GNB5: variants seen among roughly 807,000 people sequenced by gnomAD.
The protein encoded by GNB5 is guanine nucleotide-binding protein subunit beta-5.
A neutral mutation model predicts 55.3 loss-of-function variants in GNB5; 37 were observed. The observed-to-expected ratio is 0.67, with a 90% confidence interval of 0.51 to 0.88. The LOEUF is 0.88. Among genes scored for constraint, GNB5 ranks in the 40% least tolerant of loss-of-function variants. GNB5 has a pLI of 0.00. For synonymous variants in GNB5, 219 were observed against 198.5 expected, an observed-to-expected ratio of 1.10 and a Z score of -0.87; for missense variants, 476 against 515.3, an observed-to-expected ratio of 0.92 and a Z score of 0.74.
chr15:52,126,845 A>G (rs1382477900), intron 10 of GNB5, among the ~76,000 whole-genome samples: 2 of 152,152 alleles, frequency 1.3e-5, no homozygotes, highest in Non-Finnish European at 2.9e-5. Flanking sequence ...CCCAGGCTGG[A>G]GTGCAATGGC....
chr15:52,169,860 A>G (rs750215220), intron 3 of GNB5, among the ~76,000 whole-genome samples: 1 of 152,206 alleles, frequency 6.6e-6, no homozygotes, highest in South Asian at 2.1e-4. Flanking sequence ...AAGAACTTAA[A>G]CAAATTTACA....
chr15:52,130,979 C>A (rs2033559153), intron 9 of GNB5, among the ~76,000 whole-genome samples: 1 of 152,194 alleles, frequency 6.6e-6, no homozygotes, highest in Non-Finnish European at 1.5e-5. Context: ...TCATGTGCCA[C>A]CACATTTGGC....
At position 52,117,102 on chromosome 15, in the gene GNB5, A is replaced by ATATATATATATATTT; in HGVS notation, c.*5654_*5655insAAATATATATATATA. On this transcript the variant is annotated 3_prime_UTR_variant, in exon 13 of 13. Transcript: ENST00000261837. ...CCACGCCCAGCTAATATATATATAT[A>ATATATATATATATTT]TTTTTTTTTAGTACAGACAGGGTTT... The ATATATATATATATTT allele has an allele frequency of 9.2e-5, 8 of 87,102 alleles. 1 individual carries two copies. The highest frequency in any genetic ancestry group is 3.7e-4 in the Admixed American group (3 of 8,092). 5.4% of individuals were successfully genotyped at this position (87,102 alleles called of 1,614,324 possible).
chr15:52,147,580 A>G (rs1341930254), intron 5 of GNB5, 45 bp from the exon 6 acceptor site: 4 of 1,091,682 alleles, frequency 3.7e-6, no homozygotes, highest in East Asian at 2.7e-5. Flanking sequence ...CCACACAAAA[A>G]TCTTTTTTTT....
rs750584034 is a variant in GNB5, at chr15:52,179,898, C to G, written c.127-19G>C. The G allele has an allele frequency of 6.6e-7, 1 of 1,511,766 alleles. No individual in the cohort carries two copies. The highest frequency in any genetic ancestry group is 2.8e-5 in the East Asian group (1 of 35,396). 93.6% of individuals were successfully genotyped at this position (1,511,766 alleles called of 1,614,324 possible). On this transcript the variant is annotated intron_variant, in intron 2 of 12. Coordinates refer to ENST00000261837, the MANE Select transcript of GNB5 (RefSeq NM_016194.4). ...TTGCCATCTTCGCGCGGGGACGCAG[C>G]GGAGAGGGAAGCGGAGAGCGGGAAT...
chr15:52,124,531 A>G lies in GNB5; in HGVS notation c.1118T>C (p.Leu373Pro). 6.2e-7 allele frequency: 1 copy of G among 1,613,898 alleles called. No homozygotes were observed. Among genetic ancestry groups the G allele is most frequent in the Middle Eastern group, 1.7e-4 (1 of 6,060 alleles). Residue 373 changes from leucine (L) to proline (P), a missense_variant, in exon 12 of 13, where the codon CTA (leucine) becomes CCA (proline). Coordinates refer to ENST00000261837, the MANE Select transcript of GNB5 (RefSeq NM_016194.4). ...AGCAGTCCCATCGGGGGAAACTCGT[A>G]GAGTGCTAACGCGGTTTTCATGTCC... ...LFGHENRVST[L>P]RVSPDGTAFC...
chr15:52,156,977 C>T (rs951672864), intron 3 of GNB5, among the ~76,000 whole-genome samples: 3 of 150,686 alleles, frequency 2.0e-5, no homozygotes, highest in Non-Finnish European at 4.4e-5. Context: ...GCTCGGTCGC[C>T]CAGGCTGGAG....
intron 3 of GNB5, among the ~76,000 whole-genome samples, chr15:52,161,908 C>T (rs2034343947): frequency 6.6e-6 from 1 of 152,234 alleles, no homozygotes. Context: ...CCCCAACTGC[C>T]TCTGCTTTGG....
At chr15:52,166,612 A>C (rs1325161123) in intron 3 of GNB5, among the ~76,000 whole-genome samples, 1 of 152,226 alleles carries the variant, frequency 6.6e-6, no homozygotes, top group Non-Finnish European at 1.5e-5. Context: ...TTATGGTAGA[A>C]ATCAAGAAGT....
At chr15:52,136,601 G>A (rs1479995165) in intron 7 of GNB5, among the ~76,000 whole-genome samples, 1 of 152,194 alleles carries the variant, frequency 6.6e-6, no homozygotes, top group Non-Finnish European at 1.5e-5. Flanking sequence ...ATTCTCTGTT[G>A]CTGCTTTTCC....
intron 3 of GNB5, among the ~76,000 whole-genome samples, chr15:52,165,558 G>A (rs1312723463): frequency 6.6e-6 from 1 of 152,152 alleles, no homozygotes; most frequent in African/African-American, 2.4e-5. Flanking sequence ...CATTCTTAAG[G>A]AAAAGAATTT....
chr15:52,159,749 G>T (rs1328448670), intron 3 of GNB5, among the ~76,000 whole-genome samples: 2 of 152,120 alleles, frequency 1.3e-5, no homozygotes, highest in African/African-American at 4.8e-5. Context: ...AGTCTGGAGG[G>T]GGCAGACAGG....
At chr15:52,137,022 T>C (rs1027549617) in intron 7 of GNB5, 2 of 454,272 alleles carry the variant, frequency 4.4e-6, no homozygotes, top group African/African-American at 4.0e-5. Flanking sequence ...GACTGTTCGC[T>C]TGCTGGGCTC....
intron 3 of GNB5, among the ~76,000 whole-genome samples, chr15:52,160,495 G>A (rs2034309350): frequency 2.0e-5 from 3 of 152,224 alleles, no homozygotes; most frequent in Admixed American, 2.0e-4. Context: ...GAAAACTAGA[G>A]ATCATGTTTA....
intron 3 of GNB5, among the ~76,000 whole-genome samples, chr15:52,159,820 G>C (rs566665836): frequency 5.3e-5 from 8 of 152,314 alleles, no homozygotes; most frequent in South Asian, 2.1e-4. Context: ...CTGTCACCCA[G>C]GGTCAGGGAG....
At chr15:52,184,195 T>G (rs1026710290) in intron 2 of GNB5, among the ~76,000 whole-genome samples, 1 of 152,250 alleles carries the variant, frequency 6.6e-6, no homozygotes, top group Non-Finnish European at 1.5e-5. Context: ...ATTGAGTACT[T>G]TCCTTGCTGG....
intron 3 of GNB5, among the ~76,000 whole-genome samples, chr15:52,178,091 T>C (rs544161276): frequency 1.3e-5 from 2 of 152,198 alleles, no homozygotes; most frequent in Non-Finnish European, 2.9e-5. Context: ...CCTGCACTAT[T>C]GAATAAGTGA....
chr15:52,141,883 T>C (rs1027328267), intron 6 of GNB5, among the ~76,000 whole-genome samples: 7 of 152,228 alleles, frequency 4.6e-5, no homozygotes, highest in African/African-American at 1.4e-4. Context: ...TCTTCCCTGA[T>C]TGTCGCCAGG....
At chr15:52,169,296 G>A (rs546381976) in intron 3 of GNB5, among the ~76,000 whole-genome samples, 2 of 151,998 alleles carry the variant, frequency 1.3e-5, no homozygotes, top group South Asian at 4.2e-4. Context: ...CTCCAGCCTG[G>A]GTGACTGAGG....
Sources: allele counts gnomAD v4.1 joint callset (sites outside exome capture counted in the v4.1 genomes callset), GRCh38; gene constraint gnomAD v4.1.1; transcripts MANE v1.5; gene names NCBI Gene and HGNC (gene_info 2026-07-23, HGNC 2026-07-21).